BTG4: variants seen among roughly 807,000 people sequenced by gnomAD.
BTG4 encodes BTG anti-proliferation factor 4.
A neutral mutation model predicts 19.3 loss-of-function variants in BTG4; 10 were observed. The ratio of observed to expected loss-of-function variants is 0.52; its 90% confidence interval spans 0.32 to 0.88. The LOEUF (loss-of-function observed/expected upper bound fraction) is 0.88. Among genes scored for constraint, BTG4 ranks in the 40% least tolerant of loss-of-function variants. The pLI is 0.04. For missense variants in BTG4, 238 were observed against 281.9 expected, an observed-to-expected ratio of 0.84 and a Z score of 1.11; for synonymous variants, 91 against 95.7, an observed-to-expected ratio of 0.95 and a Z score of 0.29.
the BTG4 span, among the ~76,000 whole-genome samples, chr11:111,427,029 G>C: frequency 6.6e-6 from 1 of 152,208 alleles, no homozygotes; most frequent in African/African-American, 2.4e-5. Flanking sequence ...TTTCCTTGAA[G>C]AGACCTAGAA....
the BTG4 span, among the ~76,000 whole-genome samples, chr11:111,448,063 T>G: frequency 1.3e-5 from 2 of 152,162 alleles, no homozygotes; most frequent in Admixed American, 1.3e-4. Flanking sequence ...CACCCAAGGG[T>G]GAGGATGCTC....
At chr11:111,465,725 G>A (rs1392146714), downstream of BTG4, among the ~76,000 whole-genome samples, 1 of 152,130 alleles carries the variant, frequency 6.6e-6, no homozygotes, top group Non-Finnish European at 1.5e-5. Flanking sequence ...ACACATTTTG[G>A]TGAGTTCCCA....
chr11:111,483,849 G>T (rs1047403123), intron 5 of BTG4, among the ~76,000 whole-genome samples: 1 of 152,044 alleles, frequency 6.6e-6, no homozygotes, highest in African/African-American at 2.4e-5. Flanking sequence ...TCCAAGCCTG[G>T]AGACATGAAT....
the BTG4 span, among the ~76,000 whole-genome samples, chr11:111,439,299 C>T: frequency 7.9e-5 from 12 of 152,234 alleles, no homozygotes; most frequent in East Asian, 9.6e-4. Flanking sequence ...CTTTGCCCAG[C>T]GCATTGTGGC....
the BTG4 span, chr11:111,400,854 T>A: frequency 3.3e-5 from 5 of 152,148 alleles, no homozygotes; most frequent in African/African-American, 1.2e-4. Context: ...GTAGTCTTTC[T>A]AAAAACCCAT....
At chr11:111,453,802 C>T in the BTG4 span, among the ~76,000 whole-genome samples, 1 of 152,238 alleles carries the variant, frequency 6.6e-6, no homozygotes, top group Non-Finnish European at 1.5e-5. Context: ...TCTAAACACA[C>T]TTTCCAAAAG....
intron 1 of BTG4, among the ~76,000 whole-genome samples, chr11:111,499,445 A>G (rs1302459379): frequency 3.3e-5 from 5 of 152,212 alleles, no homozygotes; most frequent in African/African-American, 9.6e-5. Flanking sequence ...TCATATGCCA[A>G]TCTGGTCTCC....
chr11:111,454,225 G>T, the BTG4 span: 3 of 445,696 alleles, frequency 6.7e-6, no homozygotes, highest in South Asian at 4.9e-5. Flanking sequence ...TCTTCCCTCC[G>T]ACCCCCACAG....
chr11:111,495,145 G>A lies in BTG4; in HGVS notation c.680C>T (p.Thr227Ile), dbSNP rs771189683. 3 of 1,572,710 alleles carry A rather than the reference G, an allele frequency of 1.9e-6. No individual in the cohort carries two copies. The highest frequency in any genetic ancestry group is 2.4e-5 in the South Asian group (2 of 84,774). Residue 227 changes from threonine to isoleucine, a missense_variant, in exon 5 of 5, where the codon ACA (threonine) becomes ATA (isoleucine). Coordinates refer to ENST00000692032, the MANE Select transcript of BTG4 (RefSeq NM_001367975.1). ...TGCCCAGTCGCTGCGTCATCGGTGTGTGTTGACCCAGTGGTACCTGTCCAG... is the reference window on the plus strand; with the variant it reads ...TGCCCAGTCGCTGCGTCATCGGTGTATGTTGACCCAGTGGTACCTGTCCAG... ...HRLDRYHWVN[T>I]HR
At chr11:111,410,494 C>T in the BTG4 span, among the ~76,000 whole-genome samples, 2 of 152,096 alleles carry the variant, frequency 1.3e-5, no homozygotes, top group Non-Finnish European at 2.9e-5. Flanking sequence ...TCCAAATAAA[C>T]AAATTTACCT....
In BTG4 at chr11:111,467,752, A is replaced by G. The variant is rs376898731; in HGVS notation, c.663-71T>C. 113 of 731,196 alleles carry G rather than the reference A, an allele frequency of 1.5e-4. 1 individual carries two copies. In the South Asian group the frequency reaches 1.6e-3, roughly 11 times the overall value. The allele number at this position is 731,196 out of a possible 1,614,324, so 45.3% of individuals were successfully genotyped here. On this transcript the variant is annotated intron_variant, in intron 5 of 5. Transcript: ENST00000356018. ...TAATTTTTTCCTAAAATCCTGACAT[A>G]TTTTATTCCCTCCTGGAAATAAGTC...
At chr11:111,405,269 T>G in the BTG4 span, among the ~76,000 whole-genome samples, 1 of 151,968 alleles carries the variant, frequency 6.6e-6, no homozygotes, top group South Asian at 2.1e-4. Flanking sequence ...CCAGGCCTGG[T>G]GGTGGGCACC....
intron 5 of BTG4, among the ~76,000 whole-genome samples, chr11:111,488,627 G>A (rs866582795): frequency 1.0e-3 from 157 of 151,586 alleles, no homozygotes; most frequent in African/African-American, 3.4e-3. Flanking sequence ...GCTTTGCACA[G>A]CAAAGGAAAT....
chr11:111,495,325 A>T lies in BTG4; in HGVS notation c.511-11T>A, dbSNP rs774094433. ...TTTCAAGTTTTCAACCTGGAAAAAA[A>T]AAGTATAAAGATCTCTAATAAGCTA... is the stretch of plus-strand genomic sequence containing the variant. On this transcript the variant is annotated splice_polypyrimidine_tract_variant and intron_variant, in intron 4 of 4. Coordinates refer to ENST00000692032, the MANE Select transcript of BTG4 (RefSeq NM_001367975.1). 4.4e-6 allele frequency: 7 copies of T among 1,604,362 alleles called. No individual in the cohort carries two copies. The South Asian group carries it at 7.8e-5, about 18-fold the overall frequency.
At chr11:111,499,004 C>G (rs1234352517) in intron 1 of BTG4, among the ~76,000 whole-genome samples, 4 of 151,700 alleles carry the variant, frequency 2.6e-5, no homozygotes, top group Admixed American at 1.3e-4. Flanking sequence ...CTCAAATAGC[C>G]CAGTTTTAAA....
At chr11:111,493,236 G>A (rs554176241), downstream of BTG4, among the ~76,000 whole-genome samples, 84 of 152,274 alleles carry the variant, frequency 5.5e-4, no homozygotes, top group Middle Eastern at 3.4e-3. Flanking sequence ...AAGACCAGAA[G>A]TCATATTCTA....
At chr11:111,498,954 G>C (rs1865906834) in intron 1 of BTG4, among the ~76,000 whole-genome samples, 152 bp from the exon 2 acceptor site, 2 of 151,876 alleles carry the variant, frequency 1.3e-5, no homozygotes, top group South Asian at 4.1e-4. Flanking sequence ...GTAAGTACAT[G>C]AACACTATCA....
At chr11:111,403,146 C>T in the BTG4 span, among the ~76,000 whole-genome samples, 1 of 152,150 alleles carries the variant, frequency 6.6e-6, no homozygotes, top group South Asian at 2.1e-4. Flanking sequence ...GCTCTTAACT[C>T]GAGCATGACT....
the BTG4 span, among the ~76,000 whole-genome samples, chr11:111,457,555 C>G: frequency 6.6e-6 from 1 of 152,116 alleles, no homozygotes; most frequent in Non-Finnish European, 1.5e-5. Context: ...TCCTCTCAGC[C>G]TCTTACCCCC....
Sources: allele counts gnomAD v4.1 joint callset (sites outside exome capture counted in the v4.1 genomes callset), GRCh38; gene constraint gnomAD v4.1.1; transcripts MANE v1.5; gene names NCBI Gene and HGNC (gene_info 2026-07-23, HGNC 2026-07-21).